The following EYS variants were observed in gnomAD, a reference collection of about 807,000 sequenced individuals.
The protein encoded by EYS is EGF-like photoreceptor maintenance factor.
EYS carries 250 observed loss-of-function variants against 282.1 expected under a neutral mutation model. That is an observed-to-expected ratio of 0.89 (90% CI 0.80 to 0.98). The LOEUF (loss-of-function observed/expected upper bound fraction) is 0.98. Ranked by LOEUF, EYS falls within the 50% of genes least tolerant of loss-of-function variation. EYS has a pLI of 0.00. For missense variants in EYS, 4,016 were observed against 3,709.0 expected, an observed-to-expected ratio of 1.08 and a Z score of -2.15; for synonymous variants, 1,355 against 1,282.9, an observed-to-expected ratio of 1.06 and a Z score of -1.20.
intron 22 of EYS, among the ~76,000 whole-genome samples, chr6:64,657,106 T>G (rs1768778799): frequency 6.6e-6 from 1 of 152,228 alleles, no homozygotes; most frequent in Non-Finnish European, 1.5e-5. Flanking sequence ...TACCATTATG[T>G]AATGGCCTTC....
intron 19 of EYS, among the ~76,000 whole-genome samples, chr6:64,869,477 A>T (rs71570701): frequency 0.065 from 9,864 of 151,342 alleles, 438 homozygotes; most frequent in African/African-American, 0.12. Flanking sequence ...AAGAAAATTT[A>T]AAAAAAAGAT....
chr6:65,009,325 A>C (rs911094823), intron 13 of EYS, among the ~76,000 whole-genome samples: 4 of 152,122 alleles, frequency 2.6e-5, no homozygotes, highest in African/African-American at 9.7e-5. Context: ...CAATTTTAGG[A>C]GTAAAGAAAC....
At chr6:65,155,671 T>G (rs2150218104) in intron 12 of EYS, among the ~76,000 whole-genome samples, 1 of 151,708 alleles carries the variant, frequency 6.6e-6, no homozygotes, top group East Asian at 2.0e-4. Flanking sequence ...TTGGAAATTT[T>G]AGTGACAGCA....
intron 13 of EYS, among the ~76,000 whole-genome samples, chr6:65,023,644 C>A (rs1383210625): frequency 1.3e-5 from 2 of 152,170 alleles, no homozygotes; most frequent in African/African-American, 2.4e-5. Flanking sequence ...TATAGTGAGA[C>A]CTTCCAGTTT....
chr6:64,768,388 C>T (rs1773418725), intron 22 of EYS, among the ~76,000 whole-genome samples: 1 of 152,064 alleles, frequency 6.6e-6, no homozygotes. Flanking sequence ...AATACTCACA[C>T]AAGATGGACA....
chr6:65,650,416 T>C (rs543200158), intron 1 of EYS, among the ~76,000 whole-genome samples: 1 of 152,312 alleles, frequency 6.6e-6, no homozygotes, highest in African/African-American at 2.4e-5. Context: ...CATGCCAGGC[T>C]GGGTTGTAAC....
chr6:64,662,644 G>A lies in EYS; in HGVS notation c.3444-36399C>T, dbSNP rs769876226. 2.8e-4 allele frequency among the ~76,000 whole-genome samples: 43 copies of A among 152,150 alleles called. 1 individual carries two copies. The highest frequency in any genetic ancestry group is 1.0e-3 in the African/African-American group (42 of 41,512). On this transcript the variant is annotated intron_variant, in intron 22 of 42. Coordinates refer to ENST00000503581, the MANE Select transcript of EYS (RefSeq NM_001142800.2). ...TAGTTTGTAATTTCAAACTATTATA[G>A]GCTAAATCAAATTTAGCCTTGCTTC... is the stretch of plus-strand genomic sequence containing the variant.
chr6:64,816,540 G>C (rs1389483541), intron 21 of EYS, among the ~76,000 whole-genome samples: 1 of 152,026 alleles, frequency 6.6e-6, no homozygotes, highest in African/African-American at 2.4e-5. Flanking sequence ...GTCGTGATAG[G>C]CTTTCCCTAA....
At chr6:64,856,676 C>A (rs1376487818) in intron 19 of EYS, among the ~76,000 whole-genome samples, 1 of 152,156 alleles carries the variant, frequency 6.6e-6, no homozygotes, top group East Asian at 1.9e-4. Context: ...AGTTTCTTAA[C>A]ATATGCACGT....
intron 12 of EYS, among the ~76,000 whole-genome samples, chr6:65,128,694 G>A (rs1267392686): frequency 1.3e-5 from 2 of 151,948 alleles, no homozygotes; most frequent in Admixed American, 6.6e-5. Context: ...AACATCCCAT[G>A]GTCATGGATC....
intron 36 of EYS, chr6:63,857,735 C>T: frequency 2.7e-6 from 1 of 365,234 alleles, no homozygotes; most frequent in South Asian, 2.4e-5. Context: ...CTTTGATGAG[C>T]ATCTGAGACA....
At chr6:65,598,947 A>G (rs1321590323) in intron 2 of EYS, among the ~76,000 whole-genome samples, 1 of 152,092 alleles carries the variant, frequency 6.6e-6, no homozygotes, top group East Asian at 1.9e-4. Context: ...CATCACTTAG[A>G]ACAGGTGTGT....
chr6:64,503,817 G>T (rs1777127815), intron 26 of EYS, among the ~76,000 whole-genome samples: 1 of 152,274 alleles, frequency 6.6e-6, no homozygotes, highest in South Asian at 2.1e-4. Flanking sequence ...TCAGGGGAGG[G>T]GCCTGGTGGG....
chr6:63,990,667 A>T (rs996706734), intron 34 of EYS, among the ~76,000 whole-genome samples: 1 of 151,594 alleles, frequency 6.6e-6, no homozygotes, highest in African/African-American at 2.4e-5. Context: ...CTCACCTTCC[A>T]GTTTCTCACT....
chr6:64,208,769 A>T (rs948494741), intron 31 of EYS, among the ~76,000 whole-genome samples: 2 of 152,112 alleles, frequency 1.3e-5, no homozygotes, highest in African/African-American at 2.4e-5. Context: ...TATATTTGTG[A>T]CCATAATTAT....
intron 26 of EYS, among the ~76,000 whole-genome samples, chr6:64,450,776 G>T (rs531493063): frequency 6.6e-6 from 1 of 152,258 alleles, no homozygotes; most frequent in African/African-American, 2.4e-5. Context: ...ATAATGAAAT[G>T]AAGGCAGAAA....
At chr6:64,958,587 T>C (rs1422493320) in intron 14 of EYS, among the ~76,000 whole-genome samples, 1 of 150,684 alleles carries the variant, frequency 6.6e-6, no homozygotes, top group African/African-American at 2.4e-5. Context: ...TACAAAAAAT[T>C]AGCCGGGCGC....
At chr6:63,970,265 CCCTTG>C (rs1212847529) in intron 35 of EYS, among the ~76,000 whole-genome samples, 11 of 152,172 alleles carry the variant, frequency 7.2e-5, no homozygotes, top group African/African-American at 2.7e-4. Flanking sequence ...CTAGTGAAGG[CCCTTG>C]TGAGCAAGGC....
intron 30 of EYS, among the ~76,000 whole-genome samples, chr6:64,233,097 C>T (rs980371059): frequency 3.3e-5 from 5 of 152,178 alleles, no homozygotes; most frequent in Non-Finnish European, 5.9e-5. Flanking sequence ...GAATTAAATG[C>T]CACTACTTCT....
Sources: allele counts gnomAD v4.1 joint callset (sites outside exome capture counted in the v4.1 genomes callset), GRCh38; gene constraint gnomAD v4.1.1; transcripts MANE v1.5; gene names NCBI Gene and HGNC (gene_info 2026-07-23, HGNC 2026-07-21).